The following SLC36A2 variants were observed in gnomAD, a reference collection of about 807,000 sequenced individuals.
SLC36A2 encodes the protein proton-coupled amino acid transporter 2.
A neutral mutation model predicts 42.7 loss-of-function variants in SLC36A2; 39 were observed. That is an observed-to-expected ratio of 0.91 (90% CI 0.71 to 1.19). The LOEUF (loss-of-function observed/expected upper bound fraction) is 1.19. SLC36A2 is among the 50% of genes most tolerant of loss of function. The probability of loss-of-function intolerance (pLI) is 0.00; values close to 1 mark genes in which losing one functional copy is unlikely to be tolerated. For missense variants in SLC36A2, 590 were observed against 613.7 expected, an observed-to-expected ratio of 0.96 and a Z score of 0.41; for synonymous variants, 237 against 240.8, an observed-to-expected ratio of 0.98 and a Z score of 0.15.
chr5:151,332,918 T>C (rs1756038512), intron 7 of SLC36A2, among the ~76,000 whole-genome samples: 1 of 152,238 alleles, frequency 6.6e-6, no homozygotes, highest in African/African-American at 2.4e-5. Flanking sequence ...ATCCTTTAAA[T>C]TGGACACCAT....
In SLC36A2 at chr5:151,335,522, G is replaced by C; in HGVS notation, c.551C>G (p.Thr184Ser). 6.2e-7 allele frequency: 1 copy of C among 1,614,010 alleles called. No individual in the cohort carries two copies. Among genetic ancestry groups the C allele is most frequent in the Non-Finnish European group, 8.5e-7 (1 of 1,179,904 alleles). The change falls in exon 6 of 10, where the codon ACC becomes AGC. Residue 184 changes from threonine (T) to serine (S), a missense_variant. Physicochemically the swap from Thr to Ser is moderately conservative, Grantham distance 58. Coordinates refer to ENST00000335244, the MANE Select transcript of SLC36A2 (RefSeq NM_181776.3). ...CGTCTCATTGGAATAGCAGTTGTTG[G>C]TTGTGCTATTAACAGCTTCCACTAC... ...KQVVEAVNST[T>S]NNCYSNETVI...
chr5:151,335,769 C>G (rs1756137826), intron 5 of SLC36A2, among the ~76,000 whole-genome samples: 1 of 152,152 alleles, frequency 6.6e-6, no homozygotes, highest in South Asian at 2.1e-4. Flanking sequence ...TGGCTCACGC[C>G]TGTAATCCCA....
At chr5:151,324,562 C>T (rs1284683910) in intron 8 of SLC36A2, among the ~76,000 whole-genome samples, 1 of 152,142 alleles carries the variant, frequency 6.6e-6, no homozygotes, top group African/African-American at 2.4e-5. Context: ...GAACTCCTGA[C>T]CTCAGGTGAT....
At chr5:151,338,594 T>C (rs2127296239) in intron 5 of SLC36A2, 1 of 162,562 alleles carries the variant, frequency 6.2e-6, no homozygotes, top group African/African-American at 2.4e-5. Flanking sequence ...GAGAATCACT[T>C]GAGCCTGGGA....
intron 9 of SLC36A2, among the ~76,000 whole-genome samples, chr5:151,318,390 G>A (rs554260157): frequency 1.4e-5 from 2 of 147,446 alleles, no homozygotes; most frequent in East Asian, 2.0e-4. Context: ...CTTCTAAAAT[G>A]CCTAGCATTT....
intron 6 of SLC36A2, among the ~76,000 whole-genome samples, 156 bp from the exon 7 acceptor site, chr5:151,333,478 A>T (rs1378825277): frequency 6.6e-6 from 1 of 152,202 alleles, no homozygotes; most frequent in African/African-American, 2.4e-5. Context: ...ATCAAAGTTG[A>T]TTTCAACACT....
intron 7 of SLC36A2, among the ~76,000 whole-genome samples, chr5:151,327,262 A>G (rs1755879511): frequency 6.6e-6 from 1 of 152,154 alleles, no homozygotes. Context: ...TTTACAGATG[A>G]GGAAAACAAG....
intron 4 of SLC36A2, among the ~76,000 whole-genome samples, chr5:151,342,366 G>A (rs1756370609): frequency 6.6e-6 from 1 of 151,972 alleles, no homozygotes; most frequent in South Asian, 2.1e-4. Context: ...CTTCTTTGAG[G>A]TGATTCCTCA....
intron 4 of SLC36A2, among the ~76,000 whole-genome samples, chr5:151,339,744 A>T (rs894705503): frequency 6.6e-6 from 1 of 152,240 alleles, no homozygotes; most frequent in Non-Finnish European, 1.5e-5. Context: ...ATACCAATTA[A>T]TGTGGGACAG....
rs1755504238 is a variant in SLC36A2 at position 151,316,761 on chromosome 5, A to G, written c.*56T>C. 6.4e-7 allele frequency: 1 copy of G among 1,551,374 alleles called. No homozygotes were observed. Among genetic ancestry groups the G allele is most frequent in the Admixed American group, 1.9e-5 (1 of 51,392 alleles). The stretch of plus-strand genomic sequence containing the variant: ...GTCTCAAAAAAAAAAAAAAAAAAAA[A>G]AAGAGATCCATATAATTAAAAGTCG... On this transcript the variant is annotated 3_prime_UTR_variant, in exon 10 of 10. Coordinates refer to ENST00000335244, the MANE Select transcript of SLC36A2 (RefSeq NM_181776.3).
At chr5:151,325,856 G>C (rs994185668) in intron 7 of SLC36A2, among the ~76,000 whole-genome samples, 2 of 152,166 alleles carry the variant, frequency 1.3e-5, no homozygotes, top group African/African-American at 4.8e-5. Flanking sequence ...AATGCTAGTT[G>C]GGAAGGACTG....
chr5:151,322,386 A>G (rs1229214572), intron 8 of SLC36A2, among the ~76,000 whole-genome samples, 171 bp from the exon 9 acceptor site: 3 of 152,208 alleles, frequency 2.0e-5, no homozygotes, highest in African/African-American at 4.8e-5. Flanking sequence ...CAGAGCATGC[A>G]GTGAAAATAG....
chr5:151,337,441 A>T (rs1756192459), intron 5 of SLC36A2, among the ~76,000 whole-genome samples: 1 of 152,212 alleles, frequency 6.6e-6, no homozygotes, highest in Non-Finnish European at 1.5e-5. Context: ...TCATATTGAT[A>T]TTTAACTTAT....
chr5:151,323,105 C>T (rs952827086), intron 8 of SLC36A2, among the ~76,000 whole-genome samples: 2 of 152,238 alleles, frequency 1.3e-5, no homozygotes, highest in East Asian at 3.9e-4. Context: ...TGTGGTGGTG[C>T]ACACCTGTAA....
chr5:151,339,303 A>G (rs1756250528), intron 4 of SLC36A2, among the ~76,000 whole-genome samples, 159 bp from the exon 5 acceptor site: 1 of 149,512 alleles, frequency 6.7e-6, no homozygotes, highest in Non-Finnish European at 1.5e-5. Context: ...CAAAGAAGTA[A>G]GGTAACAATC....
At chr5:151,328,863 C>T (rs77832147) in intron 7 of SLC36A2, among the ~76,000 whole-genome samples, 1,652 of 152,264 alleles carry the variant, frequency 0.011, 31 homozygotes, top group African/African-American at 0.036. Context: ...TGCCTGCTCA[C>T]GAAACTGGTC....
At chr5:151,346,995 T>C (rs1348195792) in intron 1 of SLC36A2, among the ~76,000 whole-genome samples, 4 of 152,200 alleles carry the variant, frequency 2.6e-5, no homozygotes, top group Non-Finnish European at 5.9e-5. Flanking sequence ...AAAATGTGGC[T>C]TTAGGGCCAG....
At position 151,316,899 on chromosome 5, in the gene SLC36A2, A is replaced by G. The variant is rs1207674849; in HGVS notation, c.1370T>C (p.Val457Ala). 1 of 1,614,018 alleles carries G rather than the reference A, an allele frequency of 6.2e-7. No individual in the cohort carries two copies. The highest frequency in any genetic ancestry group is 8.5e-7 in the Non-Finnish European group (1 of 1,180,016). ...CTCGTCCAGGGCCTGGTAGGTCCCC[A>G]CCACAAAGCCCACGAAGCCCAGGAT... is the stretch of plus-strand genomic sequence containing the variant. ...ISILGFVGFVVGTYQALDELL... is the reference protein window; with the variant it reads ...ISILGFVGFVAGTYQALDELL... The change falls in exon 10 of 10, where the codon GTG becomes GCG. Residue 457 changes from valine (V) to alanine (A), a missense_variant. Val to Ala is a moderately conservative substitution (Grantham distance 64). Transcript: ENST00000335244.
At chr5:151,325,217 G>C (rs1331871726) in intron 8 of SLC36A2, 69 bp downstream of exon 8, 1 of 1,554,640 alleles carries the variant, frequency 6.4e-7, no homozygotes, top group Non-Finnish European at 8.8e-7. Context: ...CTGTGGAAGG[G>C]AGGAGGAAGT....
Sources: gnomAD v4.1 joint callset for allele counts (sites outside exome capture counted in the v4.1 genomes callset) on GRCh38, gnomAD v4.1.1 for gene constraint, MANE v1.5 for transcripts, NCBI Gene and HGNC (gene_info 2026-07-23, HGNC 2026-07-21) for gene names.